ANKRD31: variants seen among roughly 807,000 people sequenced by gnomAD.
ANKRD31 encodes the protein ankyrin repeat domain 31.
ANKRD31 carries 147 observed loss-of-function variants against 186.0 expected under a neutral mutation model. The observed-to-expected ratio is 0.79, with a 90% confidence interval of 0.69 to 0.91. The LOEUF is 0.91. Ranked by LOEUF, ANKRD31 falls within the 40% of genes least tolerant of loss-of-function variation. ANKRD31 has a pLI of 0.00. For missense variants in ANKRD31, 1,986 were observed against 2,148.8 expected, an observed-to-expected ratio of 0.92 and a Z score of 1.50; for synonymous variants, 673 against 736.4, an observed-to-expected ratio of 0.91 and a Z score of 1.39.
In ANKRD31 at chr5:75,104,554, T is replaced by C; in HGVS notation, c.5005A>G (p.Asn1669Asp). 1.3e-6 allele frequency: 2 copies of C among 1,536,782 alleles called. No homozygotes were observed. The highest frequency in any genetic ancestry group is 1.7e-6 in the Non-Finnish European group (2 of 1,146,692). Reference protein sequence around the residue: ...SNIICDQDLSNYDPKRGNRKT... With the variant: ...SNIICDQDLSDYDPKRGNRKT... ...CTGTTTCCTCTTTTGGGATCATAAT[T>C]GGAAAGGTCCTGATCACAAATAATA... Residue 1669 changes from asparagine to aspartate, a missense_variant, in exon 22 of 26, where the codon AAT becomes GAT. Physicochemically the swap from Asn to Asp is conservative, Grantham distance 23. Coordinates refer to ENST00000506364, the MANE Select transcript of ANKRD31 (RefSeq NM_001372053.1).
Position 75,178,738 on chromosome 5 carries a change from T to G in ANKRD31, c.1565-9617A>C, listed in dbSNP as rs377358222. ...TCTCTGGGACACATTCAAAGCAGTG[T>G]GTAGAGGGAAATTTATAGCACTAAA... is the stretch of plus-strand genomic sequence containing the variant. On this transcript the variant is annotated intron_variant, in intron 10 of 25. Transcript: ENST00000506364. 1.3e-4 allele frequency among the ~76,000 whole-genome samples: 20 copies of G among 151,336 alleles called. No homozygotes were observed. The East Asian group carries it at 3.9e-3, about 29-fold the overall frequency.
At chr5:75,173,824 G>T (rs1419728499) in intron 10 of ANKRD31, among the ~76,000 whole-genome samples, 1 of 152,094 alleles carries the variant, frequency 6.6e-6, no homozygotes, top group Non-Finnish European at 1.5e-5. Flanking sequence ...TTTATAGATT[G>T]AATGCCATCC....
In ANKRD31 at chr5:75,105,027, C is replaced by G. The variant is rs1482862884; in HGVS notation, c.4532G>C (p.Ser1511Thr). The change falls in exon 22 of 26, where the codon AGT (serine) becomes ACT (threonine). Residue 1511 changes from serine (S) to threonine (T), a missense_variant. Coordinates refer to ENST00000506364, the MANE Select transcript of ANKRD31 (RefSeq NM_001372053.1). Reference sequence around the variant, plus strand: ...AGTGAGCTCTTGGCTGTCTTTTTCACTAGAGATTTCTGATCTGGGTGGGAG... The same window carrying G: ...AGTGAGCTCTTGGCTGTCTTTTTCAGTAGAGATTTCTGATCTGGGTGGGAG... ...RKLPPRSEIS[S>T]EKDSQELTSL... The G allele has an allele frequency of 1.3e-6, 2 of 1,536,528 alleles. No individual in the cohort carries two copies. Among genetic ancestry groups the G allele is most frequent in the African/African-American group, 2.7e-5 (2 of 72,926 alleles).
At chr5:75,109,229 G>C (rs1219264068) in intron 20 of ANKRD31, among the ~76,000 whole-genome samples, 1 of 152,104 alleles carries the variant, frequency 6.6e-6, no homozygotes, top group African/African-American at 2.4e-5. Context: ...AAAATACTTA[G>C]GGAAAAATAT....
At position 75,104,231 on chromosome 5, in the gene ANKRD31, T is replaced by G; in HGVS notation, c.5328A>C (p.Thr1776=). 6.7e-7 allele frequency: 1 copy of G among 1,494,000 alleles called. No individual in the cohort carries two copies. Among genetic ancestry groups the G allele is most frequent in the South Asian group, 1.3e-5 (1 of 76,906 alleles). 92.5% of individuals were successfully genotyped at this position (1,494,000 alleles called of 1,614,324 possible). A position where few individuals can be genotyped will look rare whatever the true frequency, so the allele number is the denominator to read the frequency against. The change falls in exon 22 of 26, where the codon ACA becomes ACC. Residue 1776 remains threonine (T), a synonymous_variant. Coordinates refer to ENST00000506364, the MANE Select transcript of ANKRD31 (RefSeq NM_001372053.1). ...TAGAGAAAAAAATATAGAATACCTGTGTTTTGAATTCCAGAATGTTATTTC... is the reference window on the plus strand; with the variant it reads ...TAGAGAAAAAAATATAGAATACCTGGGTTTTGAATTCCAGAATGTTATTTC... ...NPGNNILEFK[T]QETTHKASIL... is the part of the protein sequence containing the mutation.
At chr5:75,070,250 T>C (rs1466705212) in intron 25 of ANKRD31, among the ~76,000 whole-genome samples, 2 of 152,188 alleles carry the variant, frequency 1.3e-5, no homozygotes, top group African/African-American at 2.4e-5. Context: ...GAAAAACCCA[T>C]AGAAATAAAT....
At chr5:75,124,148 A>G (rs1420312168) in intron 17 of ANKRD31, among the ~76,000 whole-genome samples, 1 of 152,202 alleles carries the variant, frequency 6.6e-6, no homozygotes, top group African/African-American at 2.4e-5. Context: ...CATTTCTTAA[A>G]AGAAGACCCA....
chr5:75,185,118 C>T (rs1754612469), intron 10 of ANKRD31, among the ~76,000 whole-genome samples: 1 of 152,142 alleles, frequency 6.6e-6, no homozygotes, highest in South Asian at 2.1e-4. Flanking sequence ...CACAGGAAGA[C>T]ACATACTGCA....
chr5:75,159,940 A>T (rs555025669), intron 11 of ANKRD31, among the ~76,000 whole-genome samples: 14 of 152,138 alleles, frequency 9.2e-5, no homozygotes, highest in Non-Finnish European at 1.6e-4. Flanking sequence ...ACTTGATAAT[A>T]ATACCACAAA....
At chr5:75,114,888 A>G (rs545802931) in intron 19 of ANKRD31, among the ~76,000 whole-genome samples, 5,553 of 152,152 alleles carry the variant, frequency 0.036, 331 homozygotes, top group African/African-American at 0.13. Flanking sequence ...GACTTTCTTC[A>G]CAGAATTGGA....
chr5:75,084,164 T>G (rs1338200855), intron 24 of ANKRD31, 108 bp downstream of exon 24: 6 of 805,880 alleles, frequency 7.4e-6, no homozygotes, highest in African/African-American at 6.9e-5. Flanking sequence ...TTATAATGAT[T>G]GTTAATTTCA....
At chr5:75,169,824 TTA>T (rs940782632) in intron 10 of ANKRD31, among the ~76,000 whole-genome samples, 2 of 152,168 alleles carry the variant, frequency 1.3e-5, no homozygotes, top group African/African-American at 4.8e-5. Flanking sequence ...TTCTTAGTTT[TTA>T]TGAGTATCAC....
intron 10 of ANKRD31, among the ~76,000 whole-genome samples, chr5:75,185,307 C>G (rs1259491933): frequency 6.6e-6 from 1 of 152,096 alleles, no homozygotes; most frequent in African/African-American, 2.4e-5. Context: ...CACCTGTAAT[C>G]CCAGAACTTT....
chr5:75,140,268 A>G (rs112345456), intron 15 of ANKRD31, among the ~76,000 whole-genome samples: 7 of 42,482 alleles, frequency 1.6e-4, no homozygotes, highest in Non-Finnish European at 2.2e-4. Context: ...GGAAGGAAGG[A>G]AAGAGAGAGA....
At chr5:75,140,183 A>T (rs1459176533) in intron 15 of ANKRD31, among the ~76,000 whole-genome samples, 3 of 150,924 alleles carry the variant, frequency 2.0e-5, no homozygotes, top group Admixed American at 6.6e-5. Context: ...CAGCCTGGGC[A>T]ACAGAGATAC....
At chr5:75,127,184 CAAA>C (rs5868764) in intron 17 of ANKRD31, among the ~76,000 whole-genome samples, 5 of 120,370 alleles carry the variant, frequency 4.2e-5, no homozygotes, top group Admixed American at 8.6e-5. Flanking sequence ...GACTCCATCT[CAAA>C]AAAAAAAAAA....
At chr5:75,129,155 C>T (rs1002531005) in intron 17 of ANKRD31, among the ~76,000 whole-genome samples, 5 of 152,078 alleles carry the variant, frequency 3.3e-5, no homozygotes, top group Admixed American at 1.3e-4. Flanking sequence ...AAGTGTGTAG[C>T]ATCACCCCCT....
intron 15 of ANKRD31, among the ~76,000 whole-genome samples, chr5:75,140,396 T>G (rs1287010589): frequency 6.6e-6 from 1 of 151,762 alleles, no homozygotes; most frequent in Non-Finnish European, 1.5e-5. Flanking sequence ...AATAAACGGA[T>G]AGGGTGAAGA....
chr5:75,090,679 G>A (rs753834027), intron 23 of ANKRD31, among the ~76,000 whole-genome samples: 1 of 152,150 alleles, frequency 6.6e-6, no homozygotes, highest in Non-Finnish European at 1.5e-5. Context: ...TCATTACTGG[G>A]CTTATAACTC....
Sources: gnomAD v4.1 joint callset for allele counts (sites outside exome capture counted in the v4.1 genomes callset) on GRCh38, gnomAD v4.1.1 for gene constraint, MANE v1.5 for transcripts, NCBI Gene and HGNC (gene_info 2026-07-23, HGNC 2026-07-21) for gene names.